The following TNFAIP8L1 variants were observed in gnomAD, a reference collection of about 807,000 sequenced individuals.
TNFAIP8L1 encodes tumor necrosis factor alpha-induced protein 8-like protein 1.
For missense variants in TNFAIP8L1, 225 were observed against 266.1 expected (o/e 0.85, Z 1.08); for synonymous variants, 127 against 125.6 (o/e 1.01, Z -0.08).
Position 4,653,307 on chromosome 19 carries a change from A to T in TNFAIP8L1, c.*877A>T, listed in dbSNP as rs2088389734. ...TGACAGAGCAAGACTCTGTCTCAAAAAAAGAAGCGGGGGAGTGGGGGATTG... is the reference window on the plus strand; with the variant it reads ...TGACAGAGCAAGACTCTGTCTCAAATAAAGAAGCGGGGGAGTGGGGGATTG... On this transcript the variant is annotated 3_prime_UTR_variant, in exon 2 of 2. Transcript: ENST00000327473. 1 of 166,708 alleles carries T rather than the reference A, an allele frequency of 6.0e-6. No homozygotes were observed. The highest frequency in any genetic ancestry group is 2.1e-4 in the South Asian group (1 of 4,820). The allele number at this position is 166,708 out of a possible 1,614,324, so 10.3% of individuals were successfully genotyped here.
intron 1 of TNFAIP8L1, among the ~76,000 whole-genome samples, chr19:4,646,883 G>T (rs2088316852): frequency 6.6e-6 from 1 of 152,192 alleles, no homozygotes; most frequent in Non-Finnish European, 1.5e-5. Flanking sequence ...GCCCGCCTCG[G>T]CCTCCCAAAG....
At position 4,645,317 on chromosome 19, in the gene TNFAIP8L1, G is replaced by T. The variant is rs2088299912; in HGVS notation, c.-4+5688G>T. The stretch of plus-strand genomic sequence containing the variant: ...AATCCCAGCAGTTTGGGAGGCCGAG[G>T]CGAGTAGATCACTTGAGGCCGGGAG... On this transcript the variant is annotated intron_variant, in intron 1 of 1. Transcript: ENST00000327473. The surrounding 1 kb of genome is among the most constrained non-coding windows in gnomAD (Gnocchi z 4.1). Among the ~76,000 whole-genome samples the T allele has an allele frequency of 6.6e-6, 1 of 151,468 alleles. No homozygotes were observed. Among genetic ancestry groups the T allele is most frequent in the East Asian group, 1.9e-4 (1 of 5,160 alleles).
intron 1 of TNFAIP8L1, among the ~76,000 whole-genome samples, chr19:4,646,101 T>C (rs1339512090): frequency 1.3e-5 from 2 of 151,934 alleles, no homozygotes; most frequent in African/African-American, 4.8e-5. Context: ...GAAATTAACT[T>C]GTTTGTTTCT....
At chr19:4,649,820 G>A (rs1171006054) in intron 1 of TNFAIP8L1, among the ~76,000 whole-genome samples, 1 of 152,238 alleles carries the variant, frequency 6.6e-6, no homozygotes, top group East Asian at 1.9e-4. Context: ...GAGGGCAGGG[G>A]CGGCCCATCC....
At chr19:4,644,389 A>T (rs1392576661) in intron 1 of TNFAIP8L1, among the ~76,000 whole-genome samples, 2 of 151,156 alleles carry the variant, frequency 1.3e-5, no homozygotes, top group Non-Finnish European at 3.0e-5. Context: ...AAAAAAAAAA[A>T]AAAAAATTAA....
intron 1 of TNFAIP8L1, among the ~76,000 whole-genome samples, chr19:4,651,098 G>A (rs1483474111): frequency 6.6e-6 from 1 of 152,044 alleles, no homozygotes; most frequent in Non-Finnish European, 1.5e-5. Flanking sequence ...ACCCTGAACA[G>A]CCCCGGGTCT....
At position 4,652,503 on chromosome 19, in the gene TNFAIP8L1, G is replaced by GT. The variant is rs569352885; in HGVS notation, c.*80dup. 5 of 1,393,506 alleles carry GT rather than the reference G, an allele frequency of 3.6e-6. No homozygotes were observed. Among genetic ancestry groups the GT allele is most frequent in the Non-Finnish European group, 4.8e-6 (5 of 1,050,916 alleles). The allele number at this position is 1,393,506 out of a possible 1,614,324, so 86.3% of individuals were successfully genotyped here. A position where few individuals can be genotyped will look rare whatever the true frequency, so the allele number is the denominator to read the frequency against. On this transcript the variant is annotated 3_prime_UTR_variant, in exon 2 of 2. Coordinates refer to ENST00000327473, the MANE Select transcript of TNFAIP8L1 (RefSeq NM_152362.3). ...TGCTGGGCGCGGGTGGGGTTTGTGG[G>GT]TTTTTTTCCACCTCTTTTCTCCCAA...
rs370926139 is a variant in TNFAIP8L1 at position 4,651,820 on chromosome 19, G to A, written c.-3-47G>A. ...GGTGTTGTCACCTCTTCTGTGTGAG[G>A]AGTGCCCCAACGTGCAAAACTGAGG... On this transcript the variant is annotated intron_variant, in intron 1 of 1. Transcript: ENST00000327473. 2.2e-5 allele frequency: 33 copies of A among 1,533,752 alleles called. No individual in the cohort carries two copies. The African/African-American group carries it at 4.0e-4, about 18-fold the overall frequency.
At chr19:4,639,939 C>G (rs1004765423) in intron 1 of TNFAIP8L1, 2 of 153,162 alleles carry the variant, frequency 1.3e-5, no homozygotes, top group African/African-American at 4.8e-5. Context: ...ATTCCAGAAC[C>G]CTGAGGGCAT....
chr19:4,650,503 A>AAGG (rs1000835637), intron 1 of TNFAIP8L1, among the ~76,000 whole-genome samples: 12 of 152,046 alleles, frequency 7.9e-5, no homozygotes, highest in African/African-American at 2.7e-4. Flanking sequence ...GAGCTGCAGG[A>AAGG]AGGAGGTGGG....
chr19:4,651,882 A>G lies in TNFAIP8L1; in HGVS notation c.13A>G (p.Ser5Gly). The G allele has an allele frequency of 6.2e-7, 1 of 1,605,078 alleles. No homozygotes were observed. Among genetic ancestry groups the G allele is most frequent in the Non-Finnish European group, 8.5e-7 (1 of 1,173,284 alleles). The change falls in exon 2 of 2, where the codon AGC becomes GGC. Residue 5 changes from serine (S) to glycine (G), a missense_variant. Ser to Gly is a moderately conservative substitution (Grantham distance 56). Coordinates refer to ENST00000327473, the MANE Select transcript of TNFAIP8L1 (RefSeq NM_152362.3). ...TCCCCCGCAGGCCATGGACACCTTC[A>G]GCACCAAGAGCCTGGCTCTGCAGGC... MDTF[S>G]TKSLALQAQK...
At chr19:4,650,647 G>A (rs1401910890) in intron 1 of TNFAIP8L1, among the ~76,000 whole-genome samples, 2 of 152,036 alleles carry the variant, frequency 1.3e-5, no homozygotes, top group Non-Finnish European at 2.9e-5. Context: ...GAGCTGGCCA[G>A]GCTCTCACCT....
Position 4,652,531 on chromosome 19 carries a change from G to T in TNFAIP8L1, c.*101G>T, listed in dbSNP as rs994202012. 6 of 1,222,788 alleles carry T rather than the reference G, an allele frequency of 4.9e-6. No individual in the cohort carries two copies. In the African/African-American group the frequency reaches 7.8e-5, roughly 16 times the overall value. The allele number at this position is 1,222,788 out of a possible 1,614,324, so 75.7% of individuals were successfully genotyped here. Reference sequence around the variant, plus strand: ...TTTTTCCACCTCTTTTCTCCCAATCGGACTCCGGCCAAACTCCCCTAGACA... The same window carrying T: ...TTTTTCCACCTCTTTTCTCCCAATCTGACTCCGGCCAAACTCCCCTAGACA... On this transcript the variant is annotated 3_prime_UTR_variant, in exon 2 of 2. Transcript: ENST00000327473.
chr19:4,651,568 CG>C (rs766473574), intron 1 of TNFAIP8L1, among the ~76,000 whole-genome samples: 23 of 151,732 alleles, frequency 1.5e-4, no homozygotes, highest in Non-Finnish European at 2.8e-4. Context: ...TCCCAAGTAG[CG>C]GGGATTGCGG....
chr19:4,640,570 TCA>T (rs1171951461), intron 1 of TNFAIP8L1: 7 of 152,294 alleles, frequency 4.6e-5, no homozygotes, highest in Admixed American at 1.3e-4. Context: ...CTGCGGAGCC[TCA>T]GTTTCCTCAT....
chr19:4,643,724 GC>G (rs1214232217), intron 1 of TNFAIP8L1, among the ~76,000 whole-genome samples: 13 of 152,084 alleles, frequency 8.5e-5, no homozygotes, highest in Non-Finnish European at 1.5e-5. Flanking sequence ...GATCGCTTGA[GC>G]CCAGGAGGAG....
At chr19:4,651,696 C>T (rs749461814) in intron 1 of TNFAIP8L1, among the ~76,000 whole-genome samples, 171 bp from the exon 2 acceptor site, 8 of 152,236 alleles carry the variant, frequency 5.3e-5, no homozygotes, top group Non-Finnish European at 8.8e-5. Flanking sequence ...GATCCGCCTG[C>T]CTAGGCATCC....
chr19:4,644,199 C>A (rs973784874), intron 1 of TNFAIP8L1, among the ~76,000 whole-genome samples: 10 of 151,758 alleles, frequency 6.6e-5, no homozygotes, highest in African/African-American at 2.4e-4. Context: ...CCAGCCTGGG[C>A]AACAAGAGTG....
Position 4,651,891 on chromosome 19 carries a change from A to G in TNFAIP8L1, c.22A>G (p.Ser8Gly), listed in dbSNP as rs745565453. The G allele has an allele frequency of 6.2e-7, 1 of 1,607,912 alleles. No homozygotes were observed. Among genetic ancestry groups the G allele is most frequent in the Non-Finnish European group, 8.5e-7 (1 of 1,175,222 alleles). Residue 8 changes from serine (S) to glycine (G), a missense_variant, in exon 2 of 2, where the codon AGC (serine) becomes GGC (glycine). Transcript: ENST00000327473. MDTFSTK[S>G]LALQAQKKLL... The stretch of plus-strand genomic sequence containing the variant: ...GGCCATGGACACCTTCAGCACCAAG[A>G]GCCTGGCTCTGCAGGCGCAGAAGAA...
Sources: allele counts gnomAD v4.1 joint callset (sites outside exome capture counted in the v4.1 genomes callset), GRCh38; gene constraint gnomAD v4.1.1; non-coding constraint Gnocchi (gnomAD v3.1); transcripts MANE v1.5; gene names NCBI Gene and HGNC (gene_info 2026-07-23, HGNC 2026-07-21).